The following EMSY variants were observed in gnomAD, a reference collection of about 807,000 sequenced individuals.
EMSY encodes the protein BRCA2-interacting transcriptional repressor EMSY.
In EMSY, 26 loss-of-function variants were observed where a neutral mutation model predicts 134.6. The observed-to-expected ratio is 0.19, with a 90% CI of 0.14 to 0.27. The LOEUF is 0.27. Among genes scored for constraint, EMSY ranks in the 10% least tolerant of loss-of-function variants. The pLI, the probability that EMSY is intolerant of heterozygous loss-of-function variation, is 1.00. For synonymous variants in EMSY, 579 were observed against 577.8 expected (o/e 1.00, Z -0.03); for missense variants, 1,305 against 1,611.4 (o/e 0.81, Z 3.26).
Position 76,546,346 on chromosome 11 carries a change from G to A in EMSY, c.3774+49G>A, listed in dbSNP as rs746150835. On this transcript the variant is annotated intron_variant, in intron 20 of 20. Coordinates refer to ENST00000334736, the Ensembl canonical transcript of EMSY. Reference sequence around the variant, plus strand: ...AAATCTTGTGCATCTTGGGGGTTGTGGGTTTGTTTGATATGTTTTTGACTT... The same window carrying A: ...AAATCTTGTGCATCTTGGGGGTTGTAGGTTTGTTTGATATGTTTTTGACTT... 4 of 1,554,674 alleles carry A rather than the reference G, an allele frequency of 2.6e-6. No homozygotes were observed. The South Asian group carries it at 5.0e-5, about 19-fold the overall frequency.
At chr11:76,523,103 C>T (rs1056520556) in intron 11 of EMSY, 52 bp from the exon 13 acceptor site, 2 of 1,534,720 alleles carry the variant, frequency 1.3e-6, no homozygotes, top group Non-Finnish European at 8.8e-7. Context: ...CAAAAATAAC[C>T]AAGTATCTCT....
chr11:76,446,335 G>GTGTATATATATATA (rs1565263085), intron 1 of EMSY, among the ~76,000 whole-genome samples: 1 of 53,048 alleles, frequency 1.9e-5, no homozygotes, highest in African/African-American at 7.5e-5. Context: ...ATATATATAT[G>GTGTATATATATATA]TATATATATA....
At chr11:76,544,585 A>C in exon 19 of EMSY, 1 of 1,614,150 alleles carries the variant, frequency 6.2e-7, no homozygotes, top group Admixed American at 1.7e-5. Flanking sequence ...AAGAACAAGC[A>C]CAGCCCAAGC....
intron 14 of EMSY, among the ~76,000 whole-genome samples, chr11:76,531,172 G>C (rs1282823085): frequency 6.6e-6 from 1 of 151,952 alleles, no homozygotes; most frequent in African/African-American, 2.4e-5. Context: ...TATTTCTTAA[G>C]GATTCTTCTC....
intron 2 of EMSY, among the ~76,000 whole-genome samples, chr11:76,448,795 A>G (rs1947529333): frequency 6.6e-6 from 1 of 152,128 alleles, no homozygotes; most frequent in Non-Finnish European, 1.5e-5. Context: ...AAGTTTAGAA[A>G]AGGTACATAC....
At chr11:76,457,357 T>C (rs1947915383) in intron 4 of EMSY, among the ~76,000 whole-genome samples, 1 of 152,196 alleles carries the variant, frequency 6.6e-6, no homozygotes, top group Non-Finnish European at 1.5e-5. Context: ...AGTCAGGGTC[T>C]TTCATAGAGC....
At chr11:76,485,435 A>C (rs1347545769) in intron 8 of EMSY, among the ~76,000 whole-genome samples, 1 of 152,242 alleles carries the variant, frequency 6.6e-6, no homozygotes, top group African/African-American at 2.4e-5. Flanking sequence ...AACAGAGCCA[A>C]TGACAAAAAC....
intron 8 of EMSY, among the ~76,000 whole-genome samples, chr11:76,473,593 G>A (rs1284386758): frequency 6.6e-6 from 1 of 152,056 alleles, no homozygotes; most frequent in Non-Finnish European, 1.5e-5. Flanking sequence ...ACAGGCACGA[G>A]CCACTGTGCT....
At chr11:76,552,356 GT>G (rs1243519197), downstream of EMSY, 1 of 152,186 alleles carries the variant, frequency 6.6e-6, no homozygotes, top group African/African-American at 2.4e-5. Flanking sequence ...TTTTTATAAA[GT>G]GGATAGATGA....
At chr11:76,461,439 A>AT (rs1948113042) in intron 6 of EMSY, among the ~76,000 whole-genome samples, 1 of 152,130 alleles carries the variant, frequency 6.6e-6, no homozygotes, top group Non-Finnish European at 1.5e-5. Flanking sequence ...CTCTGCAGAG[A>AT]TTTTCTATGT....
At chr11:76,480,991 C>T (rs564670432) in intron 8 of EMSY, among the ~76,000 whole-genome samples, 12 of 152,228 alleles carry the variant, frequency 7.9e-5, no homozygotes, top group South Asian at 6.2e-4. Context: ...ACTGGGTGGC[C>T]GTTTGGGCAG....
At chr11:76,496,598 A>C in intron 9 of EMSY, 129 bp downstream of exon 10, 1 of 1,004,044 alleles carries the variant, frequency 1.0e-6, no homozygotes, top group South Asian at 1.3e-5. Context: ...AGTGTTTTAC[A>C]GCTTTCAGCA....
At chr11:76,529,258 T>TA (rs1251601270) in intron 14 of EMSY, among the ~76,000 whole-genome samples, 4 of 152,162 alleles carry the variant, frequency 2.6e-5, no homozygotes, top group African/African-American at 9.7e-5. Flanking sequence ...CAAAGCTGTT[T>TA]ATCTTCCCTT....
chr11:76,460,232 T>G (rs1948052974), intron 6 of EMSY, 147 bp downstream of exon 7: 1 of 908,458 alleles, frequency 1.1e-6, no homozygotes, highest in Non-Finnish European at 1.7e-6. Flanking sequence ...TTCCTTTCTT[T>G]ACATATGACT....
At chr11:76,492,465 T>A (rs537239499) in intron 8 of EMSY, among the ~76,000 whole-genome samples, 24 of 152,110 alleles carry the variant, frequency 1.6e-4, no homozygotes, top group Non-Finnish European at 3.5e-4. Flanking sequence ...AGAGCGAGAC[T>A]CCATCTCATA....
At chr11:76,474,664 G>A (rs764529099) in intron 8 of EMSY, among the ~76,000 whole-genome samples, 3 of 152,130 alleles carry the variant, frequency 2.0e-5, no homozygotes, top group Non-Finnish European at 4.4e-5. Context: ...ACAAGAAGTA[G>A]CAGTCTTCAA....
At chr11:76,528,570 C>A in intron 14 of EMSY, 104 bp downstream of exon 15, 15 of 576,732 alleles carry the variant, frequency 2.6e-5, no homozygotes, top group East Asian at 3.4e-5. Flanking sequence ...TTTGTATGCT[C>A]TATCAATTCT....
intron 4 of EMSY, among the ~76,000 whole-genome samples, chr11:76,456,008 A>G (rs1470404212): frequency 6.6e-6 from 1 of 152,142 alleles, no homozygotes; most frequent in Non-Finnish European, 1.5e-5. Context: ...ATGTGGGCCA[A>G]GGTAGTTTCA....
exon 9 of EMSY, chr11:76,496,395 C>T (rs1396513493): frequency 3.1e-6 from 5 of 1,614,002 alleles, no homozygotes; most frequent in Non-Finnish European, 4.2e-6. Context: ...TCTCCAGTAT[C>T]TCATCAGCAA....
Sources: allele counts gnomAD v4.1 joint callset (sites outside exome capture counted in the v4.1 genomes callset), GRCh38; gene constraint gnomAD v4.1.1; transcripts MANE v1.5; gene names NCBI Gene and HGNC (gene_info 2026-07-23, HGNC 2026-07-21).